NFX1: variants seen among roughly 807,000 people sequenced by gnomAD.
NFX1 encodes the protein nuclear transcription factor, X-box binding 1.
In NFX1, 69 loss-of-function variants were observed where a neutral mutation model predicts 137.2. The observed-to-expected ratio is 0.50, with a 90% CI of 0.41 to 0.61. The LOEUF is 0.61. Among genes scored for constraint, NFX1 ranks in the 20% least tolerant of loss-of-function variants. NFX1 has a pLI of 0.00. For synonymous variants in NFX1, 495 were observed against 474.1 expected, an observed-to-expected ratio of 1.04 and a Z score of -0.57; for missense variants, 1,167 against 1,391.0, an observed-to-expected ratio of 0.84 and a Z score of 2.56.
At chr9:33,319,260 T>G (rs1195314173) in intron 9 of NFX1, 133 bp downstream of exon 9, 1 of 752,436 alleles carries the variant, frequency 1.3e-6, no homozygotes, top group Non-Finnish European at 2.1e-6. Context: ...CATATTTATG[T>G]AGGTACGTTT....
intron 12 of NFX1, among the ~76,000 whole-genome samples, chr9:33,339,845 A>G (rs371690395): frequency 9.2e-5 from 14 of 152,356 alleles, no homozygotes; most frequent in East Asian, 7.7e-4. Flanking sequence ...TCTTAAAGCT[A>G]CAAAATGCTC....
intron 9 of NFX1, among the ~76,000 whole-genome samples, chr9:33,323,657 G>A (rs981802233): frequency 2.6e-5 from 4 of 151,992 alleles, no homozygotes; most frequent in African/African-American, 4.8e-5. Context: ...GGCGGCTGAG[G>A]CAGGAGAATC....
chr9:33,353,862 G>T (rs1033694805), intron 17 of NFX1, among the ~76,000 whole-genome samples: 2 of 151,836 alleles, frequency 1.3e-5, no homozygotes, highest in African/African-American at 4.8e-5. Context: ...CTAATTTTTT[G>T]TATTTTTAGT....
intron 7 of NFX1, among the ~76,000 whole-genome samples, chr9:33,318,011 T>C (rs961590931): frequency 1.3e-5 from 2 of 148,202 alleles, no homozygotes; most frequent in African/African-American, 5.0e-5. Flanking sequence ...ATCTTCATTA[T>C]AGTGAAACCT....
intron 19 of NFX1, among the ~76,000 whole-genome samples, chr9:33,358,938 A>G (rs1435262532): frequency 6.6e-6 from 1 of 151,766 alleles, no homozygotes; most frequent in African/African-American, 2.4e-5. Flanking sequence ...GGCTCAAGCA[A>G]TCCTCCTGCC....
chr9:33,301,442 G>A, intron 3 of NFX1, 21 bp downstream of exon 3: 1 of 1,609,192 alleles, frequency 6.2e-7, no homozygotes, highest in South Asian at 1.1e-5. Flanking sequence ...TCTCTCTTCT[G>A]AGTAGTTATT....
intron 2 of NFX1, among the ~76,000 whole-genome samples, chr9:33,299,111 A>G (rs903999929): frequency 1.3e-5 from 2 of 152,252 alleles, no homozygotes; most frequent in South Asian, 4.1e-4. Context: ...ATTCCCATAT[A>G]TCTTTCACCC....
chr9:33,340,072 C>T (rs1823162414), intron 12 of NFX1, among the ~76,000 whole-genome samples: 1 of 152,242 alleles, frequency 6.6e-6, no homozygotes, highest in African/African-American at 2.4e-5. Flanking sequence ...GCCTTCTTCT[C>T]ACAGCTCCAC....
intron 13 of NFX1, 21 bp from the exon 14 acceptor site, chr9:33,344,047 GT>G (rs1823322324): frequency 6.2e-7 from 1 of 1,613,474 alleles, no homozygotes; most frequent in East Asian, 2.2e-5. Flanking sequence ...GGATTCTTTT[GT>G]TTTACCTGCT....
In NFX1 at chr9:33,337,669, C is replaced by T. The variant is rs1372179007; in HGVS notation, c.2036-841C>T. ...ATTTGAGTGCAGGAATTCGAGGTTACAGTGAGCTATGTTAATGCTACTGCA... is the reference window on the plus strand; with the variant it reads ...ATTTGAGTGCAGGAATTCGAGGTTATAGTGAGCTATGTTAATGCTACTGCA... On this transcript the variant is annotated intron_variant, in intron 11 of 23. Transcript: ENST00000379540. Among the ~76,000 whole-genome samples, 6 of 151,934 alleles carry T rather than the reference C, an allele frequency of 3.9e-5. No homozygotes were observed. In the East Asian group the frequency reaches 7.7e-4, roughly 20 times the overall value.
At chr9:33,369,061 T>G (rs1028641968) in intron 23 of NFX1, among the ~76,000 whole-genome samples, 2 of 151,964 alleles carry the variant, frequency 1.3e-5, no homozygotes, top group Non-Finnish European at 2.9e-5. Flanking sequence ...CATGCTATCT[T>G]TTTTCTTTTT....
Position 33,317,464 on chromosome 9 carries a change from A to G in NFX1, c.1589-1267A>G, listed in dbSNP as rs372221754. On this transcript the variant is annotated intron_variant, in intron 7 of 23. Transcript: ENST00000379540. Reference sequence around the variant, plus strand: ...AGAAAGAAAAGAAAAGAAATTGCACATGCACTTACTGGAAGATGAAATGTG... The same window carrying G: ...AGAAAGAAAAGAAAAGAAATTGCACGTGCACTTACTGGAAGATGAAATGTG... Among the ~76,000 whole-genome samples the G allele has an allele frequency of 2.8e-3, 423 of 150,832 alleles. 1 individual carries two copies. Among genetic ancestry groups the G allele is most frequent in the Middle Eastern group, 6.8e-3 (2 of 292 alleles).
At chr9:33,295,920 A>T (rs1444050939) in intron 2 of NFX1, among the ~76,000 whole-genome samples, 1 of 152,158 alleles carries the variant, frequency 6.6e-6, no homozygotes, top group Non-Finnish European at 1.5e-5. Flanking sequence ...AGCAATCTTT[A>T]TAAAACACAT....
intron 7 of NFX1, among the ~76,000 whole-genome samples, chr9:33,315,724 C>A (rs372435490): frequency 4.9e-3 from 562 of 114,188 alleles, no homozygotes; most frequent in Non-Finnish European, 5.6e-3. Flanking sequence ...CAGTCTCTAA[C>A]AACAACAAAA....
chr9:33,308,110 A>T (rs1170543379), intron 5 of NFX1, among the ~76,000 whole-genome samples: 1 of 151,998 alleles, frequency 6.6e-6, no homozygotes, highest in African/African-American at 2.4e-5. Flanking sequence ...CAGCCATAGG[A>T]TGTCAGTCTT....
At chr9:33,366,855 C>T in intron 22 of NFX1, 81 bp downstream of exon 22, 1 of 1,467,832 alleles carries the variant, frequency 6.8e-7, no homozygotes, top group Middle Eastern at 2.0e-4. Context: ...CAATACTTGT[C>T]TTTCTTACTA....
At chr9:33,325,883 A>C (rs1822567131) in intron 9 of NFX1, among the ~76,000 whole-genome samples, 1 of 152,232 alleles carries the variant, frequency 6.6e-6, no homozygotes, top group South Asian at 2.1e-4. Context: ...ATGATTATGT[A>C]ATCATAAAAG....
chr9:33,352,688 A>G lies in NFX1; in HGVS notation c.2698A>G (p.Ile900Val). The G allele has an allele frequency of 6.2e-7, 1 of 1,614,188 alleles. No homozygotes were observed. Among genetic ancestry groups the G allele is most frequent in the East Asian group, 2.2e-5 (1 of 44,886 alleles). The change falls in exon 17 of 24, where the codon ATT (isoleucine) becomes GTT (valine). Residue 900 changes from isoleucine to valine, a missense_variant. Ile to Val is a conservative substitution (Grantham distance 29, BLOSUM62 3). Transcript: ENST00000379540. ...ATGTGGACGAAGAAAAGAGATGGTGATTTGCTCTGAAGCATCTAGTACTTA... is the reference window on the plus strand; with the variant it reads ...ATGTGGACGAAGAAAAGAGATGGTGGTTTGCTCTGAAGCATCTAGTACTTA... ...CECGRRKEMV[I>V]CSEASSTYQR... is the part of the protein sequence containing the mutation.
intron 9 of NFX1, among the ~76,000 whole-genome samples, chr9:33,320,765 G>T (rs1201196637): frequency 6.6e-6 from 1 of 152,166 alleles, no homozygotes; most frequent in Admixed American, 6.5e-5. Context: ...GATTGAATAG[G>T]AAAATTATTT....
Sources: gnomAD v4.1 joint callset for allele counts (sites outside exome capture counted in the v4.1 genomes callset) on GRCh38, gnomAD v4.1.1 for gene constraint, MANE v1.5 for transcripts, NCBI Gene and HGNC (gene_info 2026-07-23, HGNC 2026-07-21) for gene names.